AFF3: variants seen among roughly 807,000 people sequenced by gnomAD.
The protein encoded by AFF3 is AF4/FMR2 family member 3.
A neutral mutation model predicts 129.7 loss-of-function variants in AFF3; 32 were observed. The observed-to-expected ratio is 0.25, with a 90% CI of 0.19 to 0.33. AFF3 has a LOEUF of 0.33. AFF3 is among the 10% of genes least tolerant of loss of function. The pLI is 1.00. For synonymous variants in AFF3, 644 were observed against 635.4 expected, an observed-to-expected ratio of 1.01 and a Z score of -0.20; for missense variants, 1,373 against 1,592.0, an observed-to-expected ratio of 0.86 and a Z score of 2.34.
intron 8 of AFF3, among the ~76,000 whole-genome samples, chr2:99,775,073 T>G (rs1683786798): frequency 6.6e-6 from 1 of 152,168 alleles, no homozygotes; most frequent in Admixed American, 6.6e-5. Flanking sequence ...ATGGCTATTA[T>G]TAAAAAATCA....
chr2:99,864,682 G>C (rs1046150260), intron 7 of AFF3, among the ~76,000 whole-genome samples: 4 of 152,328 alleles, frequency 2.6e-5, no homozygotes, highest in African/African-American at 9.6e-5. Context: ...GCAATGAGAA[G>C]CTGAAGTTTA....
At chr2:100,093,481 CCTAA>C (rs745314321) in intron 4 of AFF3, among the ~76,000 whole-genome samples, 6 of 152,000 alleles carry the variant, frequency 3.9e-5, no homozygotes, top group African/African-American at 7.3e-5. Context: ...TAATTATTTA[CCTAA>C]CTATTAGAAA....
At chr2:99,714,157 A>G (rs1034925684) in intron 11 of AFF3, among the ~76,000 whole-genome samples, 1 of 152,218 alleles carries the variant, frequency 6.6e-6, no homozygotes, top group African/African-American at 2.4e-5. Context: ...TTCTGAGAGC[A>G]AAACAAATAC....
intron 4 of AFF3, among the ~76,000 whole-genome samples, chr2:100,069,673 A>T (rs1256607830): frequency 6.6e-6 from 1 of 152,164 alleles, no homozygotes; most frequent in African/African-American, 2.4e-5. Context: ...TTGTTCTTCA[A>T]GCAACACAAA....
intron 10 of AFF3, 58 bp downstream of exon 10, chr2:99,744,046 G>A: frequency 7.1e-7 from 1 of 1,404,512 alleles, no homozygotes; most frequent in Admixed American, 2.0e-5. Flanking sequence ...CTCCCCTTCT[G>A]CCCTCTGCCC....
At chr2:99,704,751 G>C (rs1677194240) in intron 11 of AFF3, among the ~76,000 whole-genome samples, 1 of 152,184 alleles carries the variant, frequency 6.6e-6, no homozygotes, top group African/African-American at 2.4e-5. Context: ...TATTGGCACA[G>C]GCCCCAGGCC....
chr2:99,979,009 C>T (rs1454673780), intron 7 of AFF3, among the ~76,000 whole-genome samples: 1 of 128,126 alleles, frequency 7.8e-6, no homozygotes, highest in African/African-American at 2.6e-5. Flanking sequence ...GGACTGACTA[C>T]ATGGGCTCTT....
chr2:99,972,631 A>C (rs1678496852), intron 7 of AFF3, among the ~76,000 whole-genome samples: 1 of 152,246 alleles, frequency 6.6e-6, no homozygotes, highest in South Asian at 2.1e-4. Flanking sequence ...AGCAATAAAC[A>C]AGACAGACAC....
At chr2:99,740,255 T>C (rs1168696236) in intron 10 of AFF3, among the ~76,000 whole-genome samples, 1 of 149,324 alleles carries the variant, frequency 6.7e-6, no homozygotes, top group Non-Finnish European at 1.5e-5. Flanking sequence ...CTATTGTGAA[T>C]AGTGCCGCAA....
At chr2:99,642,614 T>G (rs781094947) in intron 13 of AFF3, among the ~76,000 whole-genome samples, 1 of 152,250 alleles carries the variant, frequency 6.6e-6, no homozygotes, top group Non-Finnish European at 1.5e-5. Flanking sequence ...GGTACTGTGC[T>G]AGGTGCTAGA....
intron 8 of AFF3, among the ~76,000 whole-genome samples, chr2:99,832,107 A>G (rs1388943195): frequency 6.6e-6 from 1 of 152,220 alleles, no homozygotes; most frequent in Non-Finnish European, 1.5e-5. Context: ...TAAAATATTG[A>G]CAAACGCCCC....
chr2:99,727,594 C>A (rs1055083474), intron 10 of AFF3, among the ~76,000 whole-genome samples: 2 of 145,912 alleles, frequency 1.4e-5, no homozygotes, highest in Admixed American at 6.9e-5. Context: ...CAGAGTCTCA[C>A]TCTGTCACCC....
chr2:99,747,918 T>C (rs376481802), intron 9 of AFF3, among the ~76,000 whole-genome samples: 1 of 152,156 alleles, frequency 6.6e-6, no homozygotes, highest in Non-Finnish European at 1.5e-5. Context: ...GTACAAATAA[T>C]GTCCCATTAT....
chr2:99,758,865 T>C (rs575301202), intron 8 of AFF3, among the ~76,000 whole-genome samples: 11 of 152,164 alleles, frequency 7.2e-5, no homozygotes, highest in Non-Finnish European at 1.5e-4. Context: ...AGTATTTGTT[T>C]TCCAATCTAT....
chr2:99,577,371 G>A (rs759751257), intron 18 of AFF3, among the ~76,000 whole-genome samples: 5 of 152,106 alleles, frequency 3.3e-5, no homozygotes, highest in Admixed American at 6.5e-5. Context: ...CTTAGGAGAC[G>A]GCATTTAATG....
At position 99,587,011 on chromosome 2, in the gene AFF3, AT is replaced by A. The variant is rs1678187796; in HGVS notation, c.2591+142del. 3 of 1,075,768 alleles carry A rather than the reference AT, an allele frequency of 2.8e-6. No homozygotes were observed. The Admixed American group carries it at 6.5e-5, about 23-fold the overall frequency. 66.6% of individuals were successfully genotyped at this position (1,075,768 alleles called of 1,614,324 possible). A position where few individuals can be genotyped will look rare whatever the true frequency, so the allele number is the denominator to read the frequency against. On this transcript the variant is annotated intron_variant, in intron 16 of 24. Coordinates refer to ENST00000672756, the MANE Select transcript of AFF3 (RefSeq NM_001386135.1). Reference sequence around the variant, plus strand: ...GCACATGTGTAGCCATAATAATAAGATTTGGGTTAAAGGAGGGAAGCAAGTC... The same window carrying A: ...GCACATGTGTAGCCATAATAATAAGATTGGGTTAAAGGAGGGAAGCAAGTC...
chr2:99,612,906 T>G (rs907061099), intron 13 of AFF3, among the ~76,000 whole-genome samples: 14 of 152,240 alleles, frequency 9.2e-5, no homozygotes, highest in African/African-American at 3.1e-4. Context: ...ATCACAGTTA[T>G]GTAAAAATAT....
intron 13 of AFF3, among the ~76,000 whole-genome samples, chr2:99,615,522 G>A (rs896118174): frequency 1.1e-4 from 16 of 152,354 alleles, no homozygotes; most frequent in Middle Eastern, 3.4e-3. Flanking sequence ...ATCCTTCTTC[G>A]ACAACTGGGA....
intron 4 of AFF3, among the ~76,000 whole-genome samples, chr2:100,084,503 C>G (rs1395647852): frequency 9.2e-5 from 14 of 152,348 alleles, no homozygotes; most frequent in Admixed American, 5.2e-4. Context: ...CCAACCCACA[C>G]AACAAGGAGA....
Sources: gnomAD v4.1 joint callset for allele counts (sites outside exome capture counted in the v4.1 genomes callset) on GRCh38, gnomAD v4.1.1 for gene constraint, MANE v1.5 for transcripts, NCBI Gene and HGNC (gene_info 2026-07-23, HGNC 2026-07-21) for gene names.